DPY19L2: variants seen among roughly 807,000 people sequenced by gnomAD.
DPY19L2 encodes the protein probable C-mannosyltransferase DPY19L2.
A neutral mutation model predicts 97.9 loss-of-function variants in DPY19L2; 34 were observed. The ratio of observed to expected loss-of-function variants is 0.35; its 90% CI spans 0.26 to 0.46. The LOEUF (loss-of-function observed/expected upper bound fraction) is 0.46, where lower values mean the gene tolerates loss of function less well. DPY19L2 is among the 20% of genes least tolerant of loss of function. DPY19L2 has a pLI of 1.00. For synonymous variants in DPY19L2, 230 were observed against 307.9 expected, an observed-to-expected ratio of 0.75 and a Z score of 2.65; for missense variants, 623 against 911.4, an observed-to-expected ratio of 0.68 and a Z score of 4.07.
chr12:63,594,464 A>AGTGTGTGTGTGTGTGTGT (rs539673870), intron 15 of DPY19L2, among the ~76,000 whole-genome samples: 3,128 of 124,682 alleles, frequency 0.025, 116 homozygotes, highest in African/African-American at 0.048. Flanking sequence ...AGAGAGAGAT[A>AGTGTGTGTGTGTGTGTGT]GTGTGTGTGT....
At chr12:63,589,254 T>G (rs1298188322) in intron 16 of DPY19L2, among the ~76,000 whole-genome samples, 1 of 151,004 alleles carries the variant, frequency 6.6e-6, no homozygotes, top group African/African-American at 2.4e-5. Context: ...TTATTACTAT[T>G]TGTAGATTAT....
rs554155369 is a variant in DPY19L2 at position 63,584,320 on chromosome 12, AT to A, written c.1581-485del. On this transcript the variant is annotated intron_variant, in intron 16 of 21. Transcript: ENST00000324472. Reference sequence around the variant, plus strand: ...AAAAATTATTGGGTAAAACATAAATATTTTTAGTTTCAGAAAAGTTGTCCCT... The same window carrying A: ...AAAAATTATTGGGTAAAACATAAATATTTTAGTTTCAGAAAAGTTGTCCCT... Among the ~76,000 whole-genome samples the A allele has an allele frequency of 6.1e-3, 928 of 152,250 alleles. 6 individuals carry two copies. The highest frequency in any genetic ancestry group is 9.8e-3 in the Non-Finnish European group (664 of 68,008).
chr12:63,574,441 T>C, intron 19 of DPY19L2, among the ~76,000 whole-genome samples: 1 of 151,528 alleles, frequency 6.6e-6, no homozygotes, highest in Admixed American at 6.6e-5. Context: ...AATAACGAAA[T>C]GGCAGGGGCA....
intron 11 of DPY19L2, among the ~76,000 whole-genome samples, chr12:63,616,973 T>C (rs1272215723): frequency 6.6e-6 from 1 of 152,162 alleles, no homozygotes; most frequent in African/African-American, 2.4e-5. Context: ...TTCTGGGCAA[T>C]GGCAGTGTCA....
At position 63,627,935 on chromosome 12, in the gene DPY19L2, C is replaced by T. The variant is rs377185713; in HGVS notation, c.804-1409G>A. Among the ~76,000 whole-genome samples, 38 of 152,126 alleles carry T rather than the reference C, an allele frequency of 2.5e-4. 1 individual carries two copies. In the East Asian group the frequency reaches 6.2e-3, roughly 25 times the overall value. The stretch of plus-strand genomic sequence containing the variant: ...AGGAAAGCTCATGGGAAATGATTTA[C>T]CATTTAATAAAGTTTCACTCAGAAA... On this transcript the variant is annotated intron_variant, in intron 6 of 21. Coordinates refer to ENST00000324472, the MANE Select transcript of DPY19L2 (RefSeq NM_173812.5).
At position 63,634,649 on chromosome 12, in the gene DPY19L2, C is replaced by T. The variant is rs1171543961; in HGVS notation, c.804-8123G>A. Among the ~76,000 whole-genome samples, 5 of 151,992 alleles carry T rather than the reference C, an allele frequency of 3.3e-5. 1 individual carries two copies. The East Asian group carries it at 5.8e-4, about 18-fold the overall frequency. ...AGGAGATTACATCCCGCACATGGCT[C>T]AGAAGGTCCCATGCCCATGGAGCCT... On this transcript the variant is annotated intron_variant, in intron 6 of 21. Coordinates refer to ENST00000324472, the MANE Select transcript of DPY19L2 (RefSeq NM_173812.5).
intron 19 of DPY19L2, among the ~76,000 whole-genome samples, chr12:63,571,177 T>G (rs914746288): frequency 1.3e-5 from 2 of 152,136 alleles, no homozygotes; most frequent in African/African-American, 4.8e-5. Flanking sequence ...GTCTGGGTTG[T>G]GCACTCAGAA....
At chr12:63,654,247 C>G (rs1894660979) in intron 4 of DPY19L2, among the ~76,000 whole-genome samples, 1 of 151,922 alleles carries the variant, frequency 6.6e-6, no homozygotes. Flanking sequence ...TTAAAACATA[C>G]AGTAAAATGA....
At chr12:63,591,225 A>C in intron 16 of DPY19L2, 2 of 332,344 alleles carry the variant, frequency 6.0e-6, no homozygotes, top group South Asian at 4.7e-5. Context: ...ACAACCATAC[A>C]CAGCTGTTTA....
chr12:63,599,823 C>A (rs996782600), intron 13 of DPY19L2, among the ~76,000 whole-genome samples: 1 of 151,988 alleles, frequency 6.6e-6, no homozygotes, highest in South Asian at 2.1e-4. Flanking sequence ...ATGAAAAGAT[C>A]AAAATTTTTT....
chr12:63,580,768 T>G lies in DPY19L2; in HGVS notation c.1794A>C (p.Ser598=). 6.2e-7 allele frequency: 1 copy of G among 1,613,642 alleles called. No individual in the cohort carries two copies. Among genetic ancestry groups the G allele is most frequent in the Non-Finnish European group, 8.5e-7 (1 of 1,179,688 alleles). The change falls in exon 19 of 22, where the codon TCA becomes TCC. Residue 598 remains serine, a synonymous_variant. Transcript: ENST00000324472. ...TACGGAGGTTTGCATAACCTTGTAT[T>G]GACATCACTGTTAAAATGCCAAAGA... is the stretch of plus-strand genomic sequence containing the variant. ...KVIFGILTVM[S]IQGYANLRNQ...
chr12:63,631,888 T>A (rs1319089590), intron 6 of DPY19L2, among the ~76,000 whole-genome samples: 4 of 152,122 alleles, frequency 2.6e-5, no homozygotes, highest in Non-Finnish European at 5.9e-5. Flanking sequence ...GCTTCATCCC[T>A]GGGATGCAAG....
At chr12:63,585,521 C>T (rs1017065058) in intron 16 of DPY19L2, among the ~76,000 whole-genome samples, 28 of 152,034 alleles carry the variant, frequency 1.8e-4, no homozygotes, top group Admixed American at 5.2e-4. Flanking sequence ...ATAGCTCCTT[C>T]CCTGTGTATG....
chr12:63,645,997 A>G (rs1400545644), intron 5 of DPY19L2, among the ~76,000 whole-genome samples: 1 of 151,950 alleles, frequency 6.6e-6, no homozygotes, highest in Admixed American at 6.6e-5. Flanking sequence ...TTTCTTCTCC[A>G]TCGCTTCTAG....
intron 6 of DPY19L2, among the ~76,000 whole-genome samples, chr12:63,640,312 G>C (rs988474083): frequency 6.6e-6 from 1 of 152,094 alleles, no homozygotes; most frequent in African/African-American, 2.4e-5. Context: ...TAACAAACCT[G>C]CACGTTGTGC....
intron 4 of DPY19L2, among the ~76,000 whole-genome samples, chr12:63,648,624 C>T (rs1893764759): frequency 6.6e-6 from 1 of 151,954 alleles, no homozygotes; most frequent in South Asian, 2.1e-4. Context: ...GACAGCGTTT[C>T]ACCATGTTGG....
At chr12:63,563,488 T>A (rs1403010029) in intron 21 of DPY19L2, among the ~76,000 whole-genome samples, 1 of 152,194 alleles carries the variant, frequency 6.6e-6, no homozygotes, top group Admixed American at 6.5e-5. Flanking sequence ...AAATACTTTT[T>A]CCTGAATGTA....
chr12:63,636,326 C>T (rs1891688134), intron 6 of DPY19L2, among the ~76,000 whole-genome samples: 1 of 152,110 alleles, frequency 6.6e-6, no homozygotes, highest in South Asian at 2.1e-4. Flanking sequence ...CAAAAACATG[C>T]TAAATTGTAA....
intron 19 of DPY19L2, among the ~76,000 whole-genome samples, chr12:63,574,658 ATACT>A (rs1879488592): frequency 1.3e-5 from 2 of 152,218 alleles, no homozygotes; most frequent in South Asian, 2.1e-4. Flanking sequence ...AGGAATAGCC[ATACT>A]TACATCAGAC....
Sources: gnomAD v4.1 joint callset for allele counts (sites outside exome capture counted in the v4.1 genomes callset) on GRCh38, gnomAD v4.1.1 for gene constraint, MANE v1.5 for transcripts, NCBI Gene and HGNC (gene_info 2026-07-23, HGNC 2026-07-21) for gene names.